DIAPH2: variants seen among roughly 807,000 people sequenced by gnomAD.
The protein encoded by DIAPH2 is protein diaphanous homolog 2.
A neutral mutation model predicts 92.7 loss-of-function variants in DIAPH2; 35 were observed. That is an observed-to-expected ratio of 0.38 (90% CI 0.29 to 0.50). The LOEUF (loss-of-function observed/expected upper bound fraction) is 0.50. Ranked by LOEUF, DIAPH2 falls within the 20% of genes least tolerant of loss-of-function variation. DIAPH2 has a pLI of 0.94. For missense variants in DIAPH2, 701 were observed against 819.5 expected (o/e 0.86, Z 1.77); for synonymous variants, 301 against 280.4 (o/e 1.07, Z -0.73).
At chrX:97,185,496 T>TATACAC (rs1775610338) in intron 22 of DIAPH2, among the ~76,000 whole-genome samples, 1 of 49,142 alleles carries the variant, frequency 2.0e-5, no homozygotes, top group Non-Finnish European at 3.2e-5. Flanking sequence ...TATATATATA[T>TATACAC]ATATATATAT....
At chrX:97,339,179 A>G (rs2069091181) in intron 23 of DIAPH2, among the ~76,000 whole-genome samples, 1 of 111,213 alleles carries the variant, frequency 9.0e-6, no homozygotes, top group African/African-American at 3.3e-5. Flanking sequence ...TACCCCAGTA[A>G]TTCTGATCAC....
chrX:97,445,144 G>A (rs1368283684), intron 26 of DIAPH2, among the ~76,000 whole-genome samples: 1 of 111,021 alleles, frequency 9.0e-6, no homozygotes, highest in South Asian at 3.8e-4. Flanking sequence ...ATGTTTTTTT[G>A]TTGCCATAAA....
At chrX:97,514,443 C>T (rs1379117702) in intron 26 of DIAPH2, among the ~76,000 whole-genome samples, 1 of 113,015 alleles carries the variant, frequency 8.8e-6, no homozygotes, top group East Asian at 2.8e-4. Flanking sequence ...AACTTCTTTG[C>T]CTTTGGTTTG....
At chrX:96,791,764 A>T (rs1421976968) in intron 4 of DIAPH2, among the ~76,000 whole-genome samples, 1 of 110,751 alleles carries the variant, frequency 9.0e-6, no homozygotes, top group Non-Finnish European at 1.9e-5. Flanking sequence ...ACGTTTACTG[A>T]CCACTTACTG....
chrX:97,476,650 G>A (rs1238021292), intron 26 of DIAPH2, among the ~76,000 whole-genome samples: 1 of 110,474 alleles, frequency 9.1e-6, no homozygotes, highest in Non-Finnish European at 1.9e-5. Context: ...TCAATTGAAT[G>A]AGTAATACTG....
chrX:97,104,625 C>T (rs1411326802), intron 20 of DIAPH2, among the ~76,000 whole-genome samples: 2 of 110,670 alleles, frequency 1.8e-5, no homozygotes, highest in Admixed American at 9.7e-5. Context: ...TAGCAATCCT[C>T]CTGCTTCAGC....
intron 23 of DIAPH2, among the ~76,000 whole-genome samples, chrX:97,312,345 C>CATTTTTTTTTTT (rs202046146): frequency 1.8e-5 from 1 of 54,945 alleles, no homozygotes; most frequent in African/African-American, 7.7e-5. Flanking sequence ...CAATAGAATC[C>CATTTTTTTTTTT]TTTTTTTTTT....
At chrX:97,456,381 C>T (rs1230095704) in intron 26 of DIAPH2, among the ~76,000 whole-genome samples, 1 of 107,662 alleles carries the variant, frequency 9.3e-6, no homozygotes, top group Admixed American at 9.9e-5. Context: ...AGCAAGACTC[C>T]GTCTCAGAAA....
In DIAPH2 at chrX:96,806,646, CAA is replaced by C. The variant is rs1234663626; in HGVS notation, c.447+48405_447+48406del. Among the ~76,000 whole-genome samples, 3 of 34,440 alleles carry C rather than the reference CAA, an allele frequency of 8.7e-5. 1 individual carries two copies. Among genetic ancestry groups the C allele is most frequent in the African/African-American group, 1.5e-4 (1 of 6,626 alleles). The allele number at this position is 34,440 out of a possible 115,157, so 29.9% of individuals were successfully genotyped here. A position where few individuals can be genotyped will look rare whatever the true frequency, so the allele number is the denominator to read the frequency against. On this transcript the variant is annotated intron_variant, in intron 4 of 26. Coordinates refer to ENST00000324765, the MANE Select transcript of DIAPH2 (RefSeq NM_006729.5). ...GGGCAACAGTAGTGAAACTCCATCTCAAAAAAAAAAAAAAAAAAGAAACAAAG... is the reference window on the plus strand; with the variant it reads ...GGGCAACAGTAGTGAAACTCCATCTCAAAAAAAAAAAAAAAAGAAACAAAG...
At chrX:97,047,337 C>T (rs948854521) in intron 17 of DIAPH2, among the ~76,000 whole-genome samples, 5 of 109,812 alleles carry the variant, frequency 4.6e-5, no homozygotes, top group South Asian at 3.9e-4. Flanking sequence ...TCAGATAGTA[C>T]ATTTAATGAG....
chrX:96,821,643 T>G (rs1354817012), intron 4 of DIAPH2, among the ~76,000 whole-genome samples: 1 of 112,272 alleles, frequency 8.9e-6, no homozygotes, highest in Non-Finnish European at 1.9e-5. Flanking sequence ...TAATGAATTT[T>G]TTTTGTTCTT....
intron 4 of DIAPH2, among the ~76,000 whole-genome samples, chrX:96,833,950 C>A (rs930217542): frequency 1.8e-5 from 2 of 111,445 alleles, no homozygotes; most frequent in Non-Finnish European, 3.8e-5. Context: ...TGAGCCACCA[C>A]CACGCCCGGC....
At chrX:97,561,450 G>T (rs2071293708) in intron 26 of DIAPH2, among the ~76,000 whole-genome samples, 1 of 112,361 alleles carries the variant, frequency 8.9e-6, no homozygotes, top group Non-Finnish European at 1.9e-5. Context: ...TTACTTGTCA[G>T]AGAGAAAGGA....
At chrX:97,463,276 T>TC (rs1328574263) in intron 26 of DIAPH2, among the ~76,000 whole-genome samples, 352 of 102,910 alleles carry the variant, frequency 3.4e-3, no homozygotes, top group African/African-American at 0.013. Context: ...TCTGAATCCT[T>TC]TTTTTTTTTT....
At chrX:97,142,317 G>A (rs1228374159) in intron 22 of DIAPH2, among the ~76,000 whole-genome samples, 5 of 111,838 alleles carry the variant, frequency 4.5e-5, no homozygotes, top group Middle Eastern at 4.6e-3. Flanking sequence ...AGGCTTCATG[G>A]AAGAGGTCAA....
chrX:97,408,969 T>C (rs1227026880), intron 25 of DIAPH2, among the ~76,000 whole-genome samples: 8 of 111,954 alleles, frequency 7.1e-5, no homozygotes, highest in African/African-American at 2.6e-4. Context: ...CATTGAATCT[T>C]AGAAAAGAGG....
intron 4 of DIAPH2, among the ~76,000 whole-genome samples, chrX:96,873,729 A>G (rs1339118497): frequency 9.1e-6 from 1 of 110,398 alleles, no homozygotes; most frequent in Non-Finnish European, 1.9e-5. Context: ...CATATATAAC[A>G]CACAAATAAG....
chrX:97,090,250 ATGAC>A (rs2074253958), intron 19 of DIAPH2, among the ~76,000 whole-genome samples: 2 of 105,787 alleles, frequency 1.9e-5, no homozygotes, highest in Non-Finnish European at 3.9e-5. Flanking sequence ...GTACAAATGA[ATGAC>A]TAAGAGTAAG....
intron 22 of DIAPH2, among the ~76,000 whole-genome samples, chrX:97,168,331 G>A (rs899822684): frequency 5.5e-5 from 6 of 109,654 alleles, no homozygotes; most frequent in South Asian, 3.9e-4. Context: ...CAAATGATCC[G>A]CCCGCCTCAA....
Sources: allele counts gnomAD v4.1 joint callset (sites outside exome capture counted in the v4.1 genomes callset), GRCh38; gene constraint gnomAD v4.1.1; transcripts MANE v1.5; gene names NCBI Gene and HGNC (gene_info 2026-07-23, HGNC 2026-07-21).